The following MTOR variants were observed in gnomAD, a reference collection of about 807,000 sequenced individuals.
The protein encoded by MTOR is mechanistic target of rapamycin kinase.
A neutral mutation model predicts 319.8 loss-of-function variants in MTOR; 70 were observed. The ratio of observed to expected loss-of-function variants is 0.22; its 90% CI spans 0.18 to 0.27. The LOEUF (loss-of-function observed/expected upper bound fraction) is 0.27, where lower values mean the gene tolerates loss of function less well. Ranked by LOEUF, MTOR falls within the 10% of genes least tolerant of loss-of-function variation. The pLI, the probability that MTOR is intolerant of heterozygous loss-of-function variation, is 1.00. For synonymous variants in MTOR, 1,183 were observed against 1,211.4 expected (o/e 0.98, Z 0.49); for missense variants, 1,890 against 3,274.4 (o/e 0.58, Z 10.32).
chr1:11,107,596 A>C, intron 57 of MTOR, 96 bp from the exon 58 acceptor site: 1 of 1,334,602 alleles, frequency 7.5e-7, no homozygotes, highest in Non-Finnish European at 1.0e-6. Context: ...AGGTCTGACA[A>C]CCCTAGGGTA....
At chr1:11,164,962 C>A (rs866902829) in intron 29 of MTOR, among the ~76,000 whole-genome samples, 2 of 152,144 alleles carry the variant, frequency 1.3e-5, no homozygotes, top group African/African-American at 4.8e-5. Context: ...AATCAATAAA[C>A]GTAATCCATC....
chr1:11,217,896 T>A (rs1646526585), intron 19 of MTOR, among the ~76,000 whole-genome samples: 1 of 152,120 alleles, frequency 6.6e-6, no homozygotes, highest in African/African-American at 2.4e-5. Flanking sequence ...TTTATAGTAC[T>A]CATTACCCAA....
chr1:11,251,498 C>G (rs1449269297), intron 6 of MTOR, among the ~76,000 whole-genome samples: 2 of 152,112 alleles, frequency 1.3e-5, no homozygotes, highest in East Asian at 3.8e-4. Context: ...TGTATATTAT[C>G]TATCTTCCCT....
chr1:11,216,974 T>C (rs1646491157), intron 19 of MTOR, among the ~76,000 whole-genome samples: 1 of 152,222 alleles, frequency 6.6e-6, no homozygotes, highest in Admixed American at 6.5e-5. Flanking sequence ...ACCTGAAAGT[T>C]TTTACCAACT....
chr1:11,116,527 C>G (rs1463240411), intron 50 of MTOR, among the ~76,000 whole-genome samples: 4 of 151,964 alleles, frequency 2.6e-5, no homozygotes, highest in Non-Finnish European at 5.9e-5. Flanking sequence ...CCAGGCTGGT[C>G]TCAAATTCCT....
At chr1:11,155,946 C>T (rs60676954) in intron 30 of MTOR, among the ~76,000 whole-genome samples, 4,549 of 152,208 alleles carry the variant, frequency 0.03, 175 homozygotes, top group Admixed American at 0.071. Context: ...ACCTACTAGT[C>T]GGGAGGTAGC....
At position 11,107,570 on chromosome 1, in the gene MTOR, G is replaced by C. The variant is rs188834119; in HGVS notation, c.7635-70C>G. 2,368 of 1,560,896 alleles carry C rather than the reference G, an allele frequency of 1.5e-3. 2 individuals carry two copies. Among genetic ancestry groups the C allele is most frequent in the Non-Finnish European group, 1.6e-3 (1,845 of 1,148,284 alleles). On this transcript the variant is annotated intron_variant, in intron 57 of 57. Coordinates refer to ENST00000361445, the MANE Select transcript of MTOR (RefSeq NM_004958.4). ...CTTCAAAGGTTTACACAGATAACTT[G>C]AAAATGAAAAGGCCAAGGTCTGACA...
In MTOR at chr1:11,141,207, C is replaced by T. The variant is rs560791999; in HGVS notation, c.4873-1549G>A. Among the ~76,000 whole-genome samples, 28 of 152,210 alleles carry T rather than the reference C, an allele frequency of 1.8e-4. No individual in the cohort carries two copies. The Middle Eastern group carries it at 0.027, about 148-fold the overall frequency. Reference sequence around the variant, plus strand: ...CATGGCTCACTGCAGCCTCAACCTCCCAGGTTCAAGCGATCCTCCCGCCTC... The same window carrying T: ...CATGGCTCACTGCAGCCTCAACCTCTCAGGTTCAAGCGATCCTCCCGCCTC... On this transcript the variant is annotated intron_variant, in intron 34 of 57. Transcript: ENST00000361445.
intron 53 of MTOR, 77 bp from the exon 54 acceptor site, chr1:11,112,994 C>A: frequency 1.4e-6 from 2 of 1,437,282 alleles, no homozygotes; most frequent in Non-Finnish European, 9.7e-7. Context: ...TTCTTCCAGT[C>A]ATAAAAATAT....
intron 25 of MTOR, among the ~76,000 whole-genome samples, chr1:11,205,852 G>C (rs1407072577): frequency 2.0e-5 from 3 of 152,220 alleles, no homozygotes; most frequent in African/African-American, 7.2e-5. Flanking sequence ...ATGTAAGACA[G>C]AGCAGAAGGT....
chr1:11,111,496 A>AG (rs1370786204), intron 54 of MTOR: 6 of 191,458 alleles, frequency 3.1e-5, no homozygotes, highest in Non-Finnish European at 6.4e-5. Flanking sequence ...AAAAAAAAAA[A>AG]AAAGAAAGAA....
intron 28 of MTOR, among the ~76,000 whole-genome samples, chr1:11,185,384 C>T (rs1302432279): frequency 2.7e-5 from 4 of 148,062 alleles, no homozygotes; most frequent in African/African-American, 1.0e-4. Context: ...GAGACCAGCC[C>T]TGGCAACACA....
chr1:11,189,337 C>T (rs1645428939), intron 28 of MTOR: 1 of 455,158 alleles, frequency 2.2e-6, no homozygotes, highest in South Asian at 3.2e-5. Flanking sequence ...ATTTAAGATG[C>T]TGACTTGTGG....
intron 13 of MTOR, among the ~76,000 whole-genome samples, chr1:11,235,465 CAG>C (rs1647171064): frequency 6.6e-6 from 1 of 152,040 alleles, no homozygotes; most frequent in South Asian, 2.1e-4. Flanking sequence ...ACCTTGGTGA[CAG>C]AGTGAGATTC....
chr1:11,200,599 C>T (rs1393405043), intron 26 of MTOR, among the ~76,000 whole-genome samples: 1 of 152,088 alleles, frequency 6.6e-6, no homozygotes, highest in African/African-American at 2.4e-5. Context: ...TGCCTCTATA[C>T]CTATTTTCTG....
At chr1:11,138,869 T>C (rs1643555950) in intron 36 of MTOR, 1 of 159,056 alleles carries the variant, frequency 6.3e-6, no homozygotes, top group Non-Finnish European at 1.4e-5. Flanking sequence ...GGTTTCAGCA[T>C]TATACCCTGC....
At chr1:11,139,159 GC>G in intron 36 of MTOR, 144 bp downstream of exon 36, 1 of 1,154,994 alleles carries the variant, frequency 8.7e-7, no homozygotes, top group Non-Finnish European at 1.2e-6. Flanking sequence ...AGGCCAAATA[GC>G]TTTGTAACAG....
At position 11,253,916 on chromosome 1, in the gene MTOR, T is replaced by A; in HGVS notation, c.763A>T (p.Met255Leu). Residue 255 changes from methionine (M) to leucine (L), a missense_variant, in exon 6 of 58, where the codon ATG becomes TTG. Around this residue, in one of 15 missense-constraint regions of MTOR, gnomAD observed 418 missense variants for 543.1 expected, o/e 0.77. Coordinates refer to ENST00000361445, the MANE Select transcript of MTOR (RefSeq NM_004958.4). ...CCATGGATCCGATCATCCCGATTCA[T>A]GCCCTTCTCTTTGGCCAAGGTCTCA... ...FDETLAKEKG[M>L]NRDDRIHGAL... is the part of the protein sequence containing the mutation. The A allele has an allele frequency of 6.2e-7, 1 of 1,614,148 alleles. No individual in the cohort carries two copies. Among genetic ancestry groups the A allele is most frequent in the Non-Finnish European group, 8.5e-7 (1 of 1,180,022 alleles).
intron 29 of MTOR, among the ~76,000 whole-genome samples, chr1:11,162,645 G>A (rs1644513356): frequency 6.6e-6 from 1 of 152,086 alleles, no homozygotes; most frequent in African/African-American, 2.4e-5. Context: ...TTCTTAAAGA[G>A]AAGAATTTTC....
Sources: gnomAD v4.1 joint callset for allele counts (sites outside exome capture counted in the v4.1 genomes callset) on GRCh38, gnomAD v4.1.1 for gene constraint, gnomAD v4.1.1 regional missense constraint, MANE v1.5 for transcripts, NCBI Gene and HGNC (gene_info 2026-07-23, HGNC 2026-07-21) for gene names.